CEP63: variants seen among roughly 807,000 people sequenced by gnomAD.
The protein encoded by CEP63 is centrosomal protein 63.
In CEP63, 84 loss-of-function variants were observed where a neutral mutation model predicts 89.1. The observed-to-expected ratio is 0.94, with a 90% CI of 0.79 to 1.13. CEP63 has a LOEUF of 1.13. CEP63 is among the 50% of genes most tolerant of loss of function. The probability of loss-of-function intolerance (pLI) is 0.00; values close to 1 mark genes in which losing one functional copy is unlikely to be tolerated. For synonymous variants in CEP63, 267 were observed against 272.5 expected (o/e 0.98, Z 0.20); for missense variants, 838 against 813.3 (o/e 1.03, Z -0.37).
chr3:134,596,804 G>A, the CEP63 span, among the ~76,000 whole-genome samples: 3 of 152,192 alleles, frequency 2.0e-5, no homozygotes, highest in African/African-American at 7.2e-5. Flanking sequence ...GAATCTTGTA[G>A]AAGGTTCTGG....
chr3:134,620,894 G>A, the CEP63 span: 28 of 1,307,104 alleles, frequency 2.1e-5, no homozygotes, highest in Middle Eastern at 1.8e-4. Context: ...TTAGGGCCTC[G>A]AGGAGGGGCT....
Position 134,564,353 on chromosome 3 carries a change from C to T in CEP63, c.*2818C>T, listed in dbSNP as rs1957608497. ...CACCCTGTCATGTGCTCCTAAAACT[C>T]CCCCTTTACTTGGCTACTTTATCTG... On this transcript the variant is annotated 3_prime_UTR_variant, in exon 15 of 15. Transcript: ENST00000675561. 1.0e-6 allele frequency: 1 copy of T among 985,388 alleles called. No homozygotes were observed. Among genetic ancestry groups the T allele is most frequent in the Non-Finnish European group, 1.2e-6 (1 of 829,924 alleles). 61.0% of individuals were successfully genotyped at this position (985,388 alleles called of 1,614,324 possible). A position where few individuals can be genotyped will look rare whatever the true frequency, so the allele number is the denominator to read the frequency against.
At chr3:134,726,004 A>G in the CEP63 span, among the ~76,000 whole-genome samples, 1 of 152,182 alleles carries the variant, frequency 6.6e-6, no homozygotes, top group East Asian at 1.9e-4. Flanking sequence ...ATGTTTGTTG[A>G]TTATTTTAAG....
At chr3:134,558,938 A>C (rs1008813680) in intron 13 of CEP63, among the ~76,000 whole-genome samples, 1 of 152,136 alleles carries the variant, frequency 6.6e-6, no homozygotes, top group Non-Finnish European at 1.5e-5. Flanking sequence ...TTGCTATACC[A>C]TAAGTGTGTG....
At chr3:134,720,281 G>A in the CEP63 span, among the ~76,000 whole-genome samples, 5 of 151,850 alleles carry the variant, frequency 3.3e-5, no homozygotes, top group South Asian at 2.1e-4. Context: ...ATGTCTATTC[G>A]AACTTTTTTC....
chr3:134,673,832 G>C, the CEP63 span, among the ~76,000 whole-genome samples: 1 of 152,096 alleles, frequency 6.6e-6, no homozygotes, highest in Non-Finnish European at 1.5e-5. Flanking sequence ...CCAAATCTGG[G>C]CTCATTGGCC....
At chr3:134,625,916 GCAGGGC>G in the CEP63 span, among the ~76,000 whole-genome samples, 6 of 152,242 alleles carry the variant, frequency 3.9e-5, no homozygotes, top group African/African-American at 9.6e-5. Flanking sequence ...CAGTGCTGAT[GCAGGGC>G]CAGCAATCAT....
chr3:134,504,492 G>A (rs895556630), intron 2 of CEP63, among the ~76,000 whole-genome samples: 1 of 152,198 alleles, frequency 6.6e-6, no homozygotes, highest in Non-Finnish European at 1.5e-5. Context: ...TATATGTGAG[G>A]AACTCACAGA....
intron 11 of CEP63, among the ~76,000 whole-genome samples, chr3:134,571,449 AG>A: frequency 6.6e-6 from 1 of 152,336 alleles, no homozygotes; most frequent in South Asian, 2.1e-4. Flanking sequence ...TGGGAGACCG[AG>A]GCAGGTGGAT....
chr3:134,678,272 A>G, the CEP63 span, among the ~76,000 whole-genome samples: 2 of 152,094 alleles, frequency 1.3e-5, no homozygotes, highest in Admixed American at 6.5e-5. Flanking sequence ...AGACTGGGCC[A>G]GGTGACAACT....
the CEP63 span, among the ~76,000 whole-genome samples, chr3:134,595,916 C>T: frequency 2.0e-5 from 3 of 152,170 alleles, no homozygotes; most frequent in Non-Finnish European, 2.9e-5. Flanking sequence ...AAGACAGCCC[C>T]ACATACTCAG....
the CEP63 span, among the ~76,000 whole-genome samples, chr3:134,626,274 G>A: frequency 6.6e-6 from 1 of 152,316 alleles, no homozygotes; most frequent in East Asian, 1.9e-4. Context: ...GAGACCCCAG[G>A]GTATGGTAGG....
At chr3:134,533,241 AGT>A (rs2109085031) in intron 5 of CEP63, among the ~76,000 whole-genome samples, 1 of 152,326 alleles carries the variant, frequency 6.6e-6, no homozygotes, top group South Asian at 2.1e-4. Context: ...CATGCCTAAG[AGT>A]GTTCCACACA....
At chr3:134,680,496 C>T in the CEP63 span, among the ~76,000 whole-genome samples, 1 of 152,188 alleles carries the variant, frequency 6.6e-6, no homozygotes, top group African/African-American at 2.4e-5. Context: ...CCATCACTCC[C>T]CGAGGGGTCT....
chr3:134,643,824 T>C, the CEP63 span, among the ~76,000 whole-genome samples: 1 of 125,326 alleles, frequency 8.0e-6, no homozygotes, highest in East Asian at 3.0e-4. Context: ...TTGAGTCTCC[T>C]GCTTCTTTTT....
the CEP63 span, among the ~76,000 whole-genome samples, chr3:134,662,837 G>A: frequency 6.6e-6 from 1 of 152,198 alleles, no homozygotes; most frequent in African/African-American, 2.4e-5. Flanking sequence ...CACAGCTATT[G>A]GAGTCTGATG....
At chr3:134,627,267 A>G in the CEP63 span, among the ~76,000 whole-genome samples, 2 of 152,238 alleles carry the variant, frequency 1.3e-5, no homozygotes, top group Non-Finnish European at 2.9e-5. Context: ...AGGAAGAAGT[A>G]TGGAGCTGCA....
intron 13 of CEP63, 105 bp downstream of exon 13, chr3:134,558,452 ACT>A (rs1956702380): frequency 2.4e-6 from 2 of 839,966 alleles, no homozygotes; most frequent in South Asian, 1.5e-5. Flanking sequence ...TCATCAAAGG[ACT>A]CTATGTTTAA....
the CEP63 span, among the ~76,000 whole-genome samples, chr3:134,772,890 G>A: frequency 6.6e-6 from 1 of 152,194 alleles, no homozygotes; most frequent in African/African-American, 2.4e-5. Context: ...GCAGACCTTT[G>A]GGGCAAGGAG....
Sources: allele counts gnomAD v4.1 joint callset (sites outside exome capture counted in the v4.1 genomes callset), GRCh38; gene constraint gnomAD v4.1.1; transcripts MANE v1.5; gene names NCBI Gene and HGNC (gene_info 2026-07-23, HGNC 2026-07-21).